RFX8: variants seen among roughly 807,000 people sequenced by gnomAD.
RFX8 encodes DNA-binding protein RFX8.
A neutral mutation model predicts 54.6 loss-of-function variants in RFX8; 46 were observed. The ratio of observed to expected loss-of-function variants is 0.84; its 90% CI spans 0.67 to 1.08. The LOEUF is 1.08. RFX8 is among the 50% of genes least tolerant of loss of function. The pLI is 0.00. For synonymous variants in RFX8, 192 were observed against 209.5 expected (o/e 0.92, Z 0.72); for missense variants, 536 against 562.3 (o/e 0.95, Z 0.47).
chr2:101,427,233 T>C (rs2104600155), intron 2 of RFX8, among the ~76,000 whole-genome samples: 1 of 152,270 alleles, frequency 6.6e-6, no homozygotes, highest in Admixed American at 6.5e-5. Context: ...ATATGTTCCC[T>C]TGCATGGCAA....
At chr2:101,437,762 G>GC (rs59824135) in intron 2 of RFX8, among the ~76,000 whole-genome samples, 1 of 151,850 alleles carries the variant, frequency 6.6e-6, no homozygotes, top group Non-Finnish European at 1.5e-5. Context: ...ACACTCTGCT[G>GC]ATCTTAAATT....
At chr2:101,442,028 C>G (rs1036590723) in intron 2 of RFX8, among the ~76,000 whole-genome samples, 3 of 152,152 alleles carry the variant, frequency 2.0e-5, no homozygotes, top group African/African-American at 7.2e-5. Context: ...GTTGAGGACT[C>G]TATCTTGATT....
chr2:101,410,391 T>TCACACACA (rs5832965), intron 9 of RFX8, among the ~76,000 whole-genome samples: 71 of 119,614 alleles, frequency 5.9e-4, no homozygotes, highest in East Asian at 5.2e-3. Flanking sequence ...ATGCCCACAC[T>TCACACACA]CACACACACA....
rs575828790 is a variant in RFX8, at chr2:101,403,512, C to T, written c.929-760G>A. On this transcript the variant is annotated intron_variant, in intron 10 of 11. Transcript: ENST00000428343. ...TATAAAATGGACACATCAGGCTGGGCACAGCGGCTCACGCCTGTAATCCCA... is the reference window on the plus strand; with the variant it reads ...TATAAAATGGACACATCAGGCTGGGTACAGCGGCTCACGCCTGTAATCCCA... 1.6e-4 allele frequency among the ~76,000 whole-genome samples: 24 copies of T among 152,310 alleles called. No homozygotes were observed. The South Asian group carries it at 5.0e-3, about 32-fold the overall frequency.
intron 11 of RFX8, among the ~76,000 whole-genome samples, chr2:101,398,973 C>G (rs1280529032): frequency 6.6e-6 from 1 of 152,190 alleles, no homozygotes; most frequent in Non-Finnish European, 1.5e-5. Context: ...GGTGAAGAGA[C>G]ACTTAAAAAA....
chr2:101,433,104 C>A (rs1476214375), intron 2 of RFX8, among the ~76,000 whole-genome samples: 3 of 152,170 alleles, frequency 2.0e-5, no homozygotes, highest in African/African-American at 7.2e-5. Flanking sequence ...ATTCCCGCAG[C>A]ACAGTGGAAC....
chr2:101,428,219 C>G (rs779846123), intron 2 of RFX8, among the ~76,000 whole-genome samples: 1 of 152,112 alleles, frequency 6.6e-6, no homozygotes, highest in Non-Finnish European at 1.5e-5. Context: ...CTTGAACCAG[C>G]CTGGGCAACA....
chr2:101,420,291 C>G lies in RFX8; in HGVS notation c.238-1327G>C, dbSNP rs183218816. Among the ~76,000 whole-genome samples the G allele has an allele frequency of 1.2e-3, 187 of 152,238 alleles. 1 individual carries two copies. Among genetic ancestry groups the G allele is most frequent in the African/African-American group, 4.3e-3 (177 of 41,534 alleles). On this transcript the variant is annotated intron_variant, in intron 4 of 11. Coordinates refer to ENST00000428343, the MANE Select transcript of RFX8 (RefSeq NM_001145664.2). ...GCGCGGTGGTTCACGGCTGTAATCC[C>G]AGCACTTTGGGAGGCCGAGGTGGGC...
intron 2 of RFX8, among the ~76,000 whole-genome samples, chr2:101,437,440 T>C (rs1687840120): frequency 2.0e-5 from 3 of 151,806 alleles, no homozygotes; most frequent in South Asian, 2.1e-4. Flanking sequence ...TAGCCAGGTA[T>C]GATGGTGCCT....
rs930061374 is a variant in RFX8 at position 101,402,554 on chromosome 2, C to T, written c.1127G>A (p.Ser376Asn). 3.2e-6 allele frequency: 5 copies of T among 1,551,770 alleles called. No homozygotes were observed. In the African/African-American group the frequency reaches 5.5e-5, roughly 17 times the overall value. Residue 376 changes from serine (S) to asparagine (N), a missense_variant, in exon 11 of 12, where the codon AGC becomes AAC. Coordinates refer to ENST00000428343, the MANE Select transcript of RFX8 (RefSeq NM_001145664.2). ...GGGCATCACCCCCAGTGGCTCCATG[C>T]TGGGGCTGGCACACGCCTGCGACAG... Reference protein sequence around the residue: ...SSLSQACASPSMEPLGVMPTH... With the variant: ...SSLSQACASPNMEPLGVMPTH...
chr2:101,398,492 TAGTC>T (rs1206768097), intron 11 of RFX8, among the ~76,000 whole-genome samples: 2 of 152,128 alleles, frequency 1.3e-5, no homozygotes, highest in East Asian at 3.9e-4. Flanking sequence ...GGAGCTGACA[TAGTC>T]AGTTCAAATT....
chr2:101,420,794 C>G (rs1686821798), intron 4 of RFX8, among the ~76,000 whole-genome samples: 2 of 152,124 alleles, frequency 1.3e-5, no homozygotes, highest in African/African-American at 2.4e-5. Flanking sequence ...TCTCTGGGCA[C>G]CCAGAATAGT....
In RFX8 at chr2:101,422,416, G is replaced by C. The variant is rs766263199; in HGVS notation, c.129C>G (p.Phe43Leu). The change falls in exon 3 of 12, where the codon TTC (phenylalanine) becomes TTG (leucine). Residue 43 changes from phenylalanine to leucine, a missense_variant. By Grantham distance (22) the Phe-to-Leu change is conservative. Transcript: ENST00000428343. ...TDPVGSPLSE[F>L]RRCPFLEQEQ... ...CTTGCTCCAGAAATGGACATCTCCTGAATTCAGACAAAGGGGATCCAACTG... is the reference window on the plus strand; with the variant it reads ...CTTGCTCCAGAAATGGACATCTCCTCAATTCAGACAAAGGGGATCCAACTG... 1.3e-6 allele frequency: 2 copies of C among 1,550,296 alleles called. No individual in the cohort carries two copies. The highest frequency in any genetic ancestry group is 1.7e-6 in the Non-Finnish European group (2 of 1,145,684).
At chr2:101,462,197 G>A (rs1050083411) in intron 2 of RFX8, among the ~76,000 whole-genome samples, 5 of 152,148 alleles carry the variant, frequency 3.3e-5, no homozygotes, top group Non-Finnish European at 5.9e-5. Flanking sequence ...AGGCGGAGAC[G>A]CAGGTGCATT....
chr2:101,417,747 G>A (rs1323426240), intron 5 of RFX8, 63 bp from the exon 6 acceptor site: 1 of 1,367,642 alleles, frequency 7.3e-7, no homozygotes, highest in Non-Finnish European at 9.9e-7. Context: ...TGAAGCTTAT[G>A]CATGCCACAG....
chr2:101,465,243 T>C (rs1454207836), intron 2 of RFX8, among the ~76,000 whole-genome samples: 1 of 152,218 alleles, frequency 6.6e-6, no homozygotes, highest in Non-Finnish European at 1.5e-5. Flanking sequence ...CCGGGCACAC[T>C]GGCTTACCCC....
chr2:101,452,497 A>G, intron 2 of RFX8: 1 of 892,914 alleles, frequency 1.1e-6, no homozygotes, highest in Non-Finnish European at 1.5e-6. Flanking sequence ...TTAGAAACAA[A>G]CTTCCAATTT....
chr2:101,467,357 C>T (rs1241482246), intron 1 of RFX8, among the ~76,000 whole-genome samples: 1 of 152,214 alleles, frequency 6.6e-6, no homozygotes, highest in African/African-American at 2.4e-5. Context: ...AGCCTGGCTT[C>T]CCAGGGCCCG....
chr2:101,462,223 T>A (rs1287057524), intron 2 of RFX8, among the ~76,000 whole-genome samples: 1 of 152,078 alleles, frequency 6.6e-6, no homozygotes, highest in Non-Finnish European at 1.5e-5. Flanking sequence ...AGCCCAGGGG[T>A]CCAAGACCAG....
Sources: gnomAD v4.1 joint callset for allele counts (sites outside exome capture counted in the v4.1 genomes callset) on GRCh38, gnomAD v4.1.1 for gene constraint, MANE v1.5 for transcripts, NCBI Gene and HGNC (gene_info 2026-07-23, HGNC 2026-07-21) for gene names.